Variants in KCNC4 observed in about 807,000 individuals in gnomAD.
The protein encoded by KCNC4 is potassium voltage-gated channel subfamily C member 4.
KCNC4 carries 23 observed loss-of-function variants against 42.8 expected under a neutral mutation model. That is an observed-to-expected ratio of 0.54 (90% CI 0.39 to 0.76). The LOEUF (loss-of-function observed/expected upper bound fraction) is 0.76. Among genes scored for constraint, KCNC4 ranks in the 30% least tolerant of loss-of-function variants. KCNC4 has a pLI of 0.00. For missense variants in KCNC4, 751 were observed against 898.2 expected (o/e 0.84, Z 2.10); for synonymous variants, 422 against 393.5 (o/e 1.07, Z -0.86).
downstream of KCNC4, among the ~76,000 whole-genome samples, chr1:110,283,761 T>G (rs1426077012): frequency 2.0e-5 from 3 of 152,248 alleles, no homozygotes; most frequent in Non-Finnish European, 2.9e-5. Context: ...GAATTGTTAA[T>G]GCTTAGCTGT....
At chr1:110,249,574 A>G (rs567007613), downstream of KCNC4, among the ~76,000 whole-genome samples, 8 of 152,272 alleles carry the variant, frequency 5.3e-5, no homozygotes, top group African/African-American at 1.4e-4. Flanking sequence ...TGATTAATCA[A>G]TCCCCCCTCT....
chr1:110,254,100 G>C (rs1311855448), downstream of KCNC4, among the ~76,000 whole-genome samples: 2 of 133,962 alleles, frequency 1.5e-5, no homozygotes, highest in African/African-American at 2.7e-5. Flanking sequence ...CGGGGGGGGG[G>C]CGGCGTTTCT....
At chr1:110,228,976 C>G (rs1258580749) in intron 3 of KCNC4, 2 of 152,270 alleles carry the variant, frequency 1.3e-5, no homozygotes, top group Non-Finnish European at 2.9e-5. Context: ...GTCTTTCGGC[C>G]TTGCCTTCCT....
exon 4 of KCNC4, chr1:110,245,621 C>T (rs1375534061): frequency 6.6e-6 from 1 of 152,220 alleles, no homozygotes; most frequent in Non-Finnish European, 1.5e-5. Flanking sequence ...ATACCAGCAA[C>T]CATAAGGAAG....
chr1:110,232,462 A>G (rs1658744037), intron 3 of KCNC4: 1 of 1,459,748 alleles, frequency 6.9e-7, no homozygotes, highest in Non-Finnish European at 9.0e-7. Flanking sequence ...ATGGCCTGTG[A>G]GCCACAGGCC....
intron 1 of KCNC4, among the ~76,000 whole-genome samples, chr1:110,216,814 G>A (rs1657818506): frequency 6.6e-6 from 1 of 152,170 alleles, no homozygotes; most frequent in Non-Finnish European, 1.5e-5. Context: ...GCTAAGGGGT[G>A]GTCACCTGGC....
intron 1 of KCNC4, among the ~76,000 whole-genome samples, chr1:110,214,356 G>A (rs1050062181): frequency 1.4e-4 from 22 of 152,142 alleles, no homozygotes; most frequent in Non-Finnish European, 5.9e-5. Flanking sequence ...TGAATATCTG[G>A]ATGGAGCTCT....
chr1:110,246,147 G>A (rs753534499), exon 4 of KCNC4: 1 of 152,126 alleles, frequency 6.6e-6, no homozygotes, highest in Non-Finnish European at 1.5e-5. Context: ...ATGTTAACCC[G>A]ACCTCAAGGC....
chr1:110,221,411 G>A (rs1254460252), intron 1 of KCNC4: 2 of 152,228 alleles, frequency 1.3e-5, no homozygotes, highest in African/African-American at 4.8e-5. Context: ...CATATACAGA[G>A]TGCTTAACAG....
intron 1 of KCNC4, among the ~76,000 whole-genome samples, chr1:110,254,140 G>A (rs1659292113): frequency 6.6e-6 from 1 of 151,898 alleles, no homozygotes; most frequent in Admixed American, 6.6e-5. Flanking sequence ...GGTTCCAGGA[G>A]GGAACCCCAA....
rs147181845 is a variant in KCNC4, at chr1:110,230,091, C to T, written c.1820-2820C>T. Among the ~76,000 whole-genome samples, 59 of 152,260 alleles carry T rather than the reference C, an allele frequency of 3.9e-4. No homozygotes were observed. The East Asian group carries it at 0.011, about 27-fold the overall frequency. On this transcript the variant is annotated intron_variant, in intron 3 of 3. Transcript: ENST00000438661. ...GGGGGTGTTGTGTAAAGCCTGTGCC[C>T]GGAGTGTCCCCATCTCGGCACCTCC...
At chr1:110,275,462 A>C (rs951102610) in intron 1 of KCNC4, among the ~76,000 whole-genome samples, 3 of 152,250 alleles carry the variant, frequency 2.0e-5, no homozygotes, top group African/African-American at 7.2e-5. Flanking sequence ...TATTTCTCAA[A>C]GAACTAAAAA....
chr1:110,226,083 G>A lies in KCNC4; in HGVS notation c.1724G>A (p.Arg575Gln), dbSNP rs761187683. The A allele has an allele frequency of 1.8e-5, 29 of 1,613,962 alleles. No homozygotes were observed. Among genetic ancestry groups the A allele is most frequent in the African/African-American group, 2.7e-5 (2 of 74,908 alleles). ...ACCCCCGAGGAGCGCCGGGCCCTGC[G>A]ACGCTCCACCACTCGAGACAGAAAC... ...SPTPEERRAL[R>Q]RSTTRDRNKK... Residue 575 changes from arginine to glutamine, a missense_variant, in exon 3 of 4, where the codon CGA becomes CAA. Arg to Gln is a conservative substitution (Grantham distance 43, BLOSUM62 1). Coordinates refer to ENST00000438661, the MANE Select transcript of KCNC4 (RefSeq NM_001039574.3).
chr1:110,236,006 G>A (rs1014220149), downstream of KCNC4: 1 of 152,184 alleles, frequency 6.6e-6, no homozygotes, highest in Non-Finnish European at 1.5e-5. Context: ...CGCGCACAGT[G>A]CCTAGCACAT....
intron 1 of KCNC4, among the ~76,000 whole-genome samples, chr1:110,255,861 C>G (rs1659320464): frequency 6.6e-6 from 1 of 152,218 alleles, no homozygotes; most frequent in South Asian, 2.1e-4. Flanking sequence ...GGGGTTGATT[C>G]TATTTCTCAC....
rs56333861 is a variant in KCNC4 at position 110,257,720 on chromosome 1, C to CAAAAAAAAAAAA, written n.31-24803_31-24792dup. Among the ~76,000 whole-genome samples, 40 of 90,964 alleles carry CAAAAAAAAAAAA rather than the reference C, an allele frequency of 4.4e-4. 3 individuals carry two copies. The highest frequency in any genetic ancestry group is 1.8e-3 in the African/African-American group (36 of 20,198). The allele number at this position is 90,964 out of a possible 152,430, so 59.7% of individuals were successfully genotyped here. ...TTGGCAACAGAGCGAGACTCCGTCTCAAAAAAAAAAAAAAAAAAAAAAGTC... is the reference window on the plus strand; with the variant it reads ...TTGGCAACAGAGCGAGACTCCGTCTCAAAAAAAAAAAAAAAAAAAAAAAAAAAAAAAAAAGTC... On this transcript the variant is annotated intron_variant and non_coding_transcript_variant, in intron 1 of 2. Coordinates refer to the KCNC4 transcript ENST00000412512.
chr1:110,232,674 C>G, intron 3 of KCNC4: 1 of 1,470,264 alleles, frequency 6.8e-7, no homozygotes. Flanking sequence ...ACCCCATTCC[C>G]TGACCCATCC....
rs767304300 is a variant in KCNC4 at position 110,226,345 on chromosome 1, G to A, written c.1819+167G>A. On this transcript the variant is annotated intron_variant, in intron 3 of 3. Coordinates refer to ENST00000438661, the MANE Select transcript of KCNC4 (RefSeq NM_001039574.3). Reference sequence around the variant, plus strand: ...ATGGGTACCTGATCTCCCAGTCCCTGGATTAGAAAGGTCTTCTCCATCTCA... The same window carrying A: ...ATGGGTACCTGATCTCCCAGTCCCTAGATTAGAAAGGTCTTCTCCATCTCA... 3.8e-5 allele frequency: 25 copies of A among 649,830 alleles called. No homozygotes were observed. In the South Asian group the frequency reaches 4.3e-4, roughly 11 times the overall value. The allele number at this position is 649,830 out of a possible 1,614,324, so 40.3% of individuals were successfully genotyped here.
chr1:110,273,738 T>G (rs575219574), intron 1 of KCNC4, among the ~76,000 whole-genome samples: 31 of 152,284 alleles, frequency 2.0e-4, no homozygotes, highest in Admixed American at 2.0e-3. Flanking sequence ...TGGATATGGG[T>G]GAGTGGTGTC....
Sources: allele counts gnomAD v4.1 joint callset (sites outside exome capture counted in the v4.1 genomes callset), GRCh38; gene constraint gnomAD v4.1.1; transcripts MANE v1.5; gene names NCBI Gene and HGNC (gene_info 2026-07-23, HGNC 2026-07-21).